LRRTM4: variants seen among roughly 807,000 people sequenced by gnomAD.
LRRTM4 encodes the protein leucine-rich repeat transmembrane neuronal protein 4.
A neutral mutation model predicts 47.6 loss-of-function variants in LRRTM4; 25 were observed. The observed-to-expected ratio is 0.53, with a 90% CI of 0.38 to 0.73. The LOEUF is 0.73. Among genes scored for constraint, LRRTM4 ranks in the 30% least tolerant of loss-of-function variants. LRRTM4 has a pLI of 0.00. For synonymous variants in LRRTM4, 311 were observed against 269.5 expected, an observed-to-expected ratio of 1.15 and a Z score of -1.51; for missense variants, 638 against 713.4, an observed-to-expected ratio of 0.89 and a Z score of 1.20.
chr2:77,143,103 A>T (rs746247593), intron 3 of LRRTM4, among the ~76,000 whole-genome samples: 4 of 152,196 alleles, frequency 2.6e-5, no homozygotes, highest in Non-Finnish European at 5.9e-5. Context: ...GGACTGGATT[A>T]AAAGTATTAC....
At chr2:77,479,715 C>A (rs1677580783) in intron 3 of LRRTM4, among the ~76,000 whole-genome samples, 1 of 152,018 alleles carries the variant, frequency 6.6e-6, no homozygotes, top group Middle Eastern at 3.4e-3. Flanking sequence ...CCATCTCTCT[C>A]TTTCTCTTCT....
intron 3 of LRRTM4, among the ~76,000 whole-genome samples, chr2:76,773,478 A>G (rs546548464): frequency 6.6e-6 from 1 of 152,334 alleles, no homozygotes. Flanking sequence ...TATGCAGTAT[A>G]TATGTGAAAA....
chr2:77,424,111 C>T (rs979884397), intron 3 of LRRTM4, among the ~76,000 whole-genome samples: 1 of 151,804 alleles, frequency 6.6e-6, no homozygotes, highest in Non-Finnish European at 1.5e-5. Flanking sequence ...GCAGATGTTA[C>T]TGTACTTAAG....
rs564813524 is a variant in LRRTM4, at chr2:77,261,170, G to T, written c.1551+257148C>A. ...AAAACAGAGTTCTCAAATAGCTTGG[G>T]AGTAGTAATAAAAAAAAAAGAAATT... On this transcript the variant is annotated intron_variant, in intron 3 of 3. Transcript: ENST00000409884. 3.4e-5 allele frequency among the ~76,000 whole-genome samples: 5 copies of T among 146,704 alleles called. No homozygotes were observed. The South Asian group carries it at 1.0e-3, about 30-fold the overall frequency.
chr2:77,000,166 G>GA (rs5832268), intron 3 of LRRTM4, among the ~76,000 whole-genome samples: 74,257 of 151,826 alleles, frequency 0.49, 18,693 homozygotes, highest in East Asian at 0.75. Flanking sequence ...TCCGTAGATG[G>GA]AAAGCATGAC....
At chr2:77,301,015 T>A (rs1028988358) in intron 3 of LRRTM4, among the ~76,000 whole-genome samples, 34 of 152,120 alleles carry the variant, frequency 2.2e-4, no homozygotes, top group Non-Finnish European at 4.3e-4. Context: ...TCCTTTTTTT[T>A]AAATTAACAG....
intron 3 of LRRTM4, among the ~76,000 whole-genome samples, chr2:77,305,020 T>G (rs192578692): frequency 5.8e-4 from 88 of 152,160 alleles, no homozygotes; most frequent in African/African-American, 2.0e-3. Context: ...GATTAATTCA[T>G]CATAGAAGAT....
intron 3 of LRRTM4, among the ~76,000 whole-genome samples, chr2:77,466,460 T>A (rs1244078900): frequency 6.6e-6 from 1 of 152,210 alleles, no homozygotes; most frequent in African/African-American, 2.4e-5. Context: ...AGGTAGCTGA[T>A]GCAGTTCACT....
chr2:76,853,720 A>G (rs1169802146), intron 3 of LRRTM4, among the ~76,000 whole-genome samples: 4 of 152,216 alleles, frequency 2.6e-5, no homozygotes, highest in East Asian at 3.8e-4. Context: ...GGCATACAAT[A>G]TATCACAAAA....
At chr2:76,828,651 A>C (rs550718049) in intron 3 of LRRTM4, among the ~76,000 whole-genome samples, 6 of 151,970 alleles carry the variant, frequency 3.9e-5, no homozygotes, top group African/African-American at 1.2e-4. Flanking sequence ...GTGTTTTTAG[A>C]AACAGTTAGA....
At chr2:77,458,022 G>A (rs34473899) in intron 3 of LRRTM4, among the ~76,000 whole-genome samples, 30,660 of 152,082 alleles carry the variant, frequency 0.2, 3,201 homozygotes, top group Middle Eastern at 0.25. Flanking sequence ...TTATCCAGGT[G>A]AGAGAAATGC....
In LRRTM4 at chr2:76,882,715, C is replaced by G. The variant is rs529010109; in HGVS notation, c.1552-133799G>C. On this transcript the variant is annotated intron_variant, in intron 3 of 3. Coordinates refer to ENST00000409884, the MANE Select transcript of LRRTM4 (RefSeq NM_001134745.3). ...CTCCTGAACAGGACAGTACCAGTTGCTAAAAATGGAGGGTTCTAAATGAAA... is the reference window on the plus strand; with the variant it reads ...CTCCTGAACAGGACAGTACCAGTTGGTAAAAATGGAGGGTTCTAAATGAAA... Among the ~76,000 whole-genome samples, 26 of 151,926 alleles carry G rather than the reference C, an allele frequency of 1.7e-4. 1 individual carries two copies. The highest frequency in any genetic ancestry group is 4.6e-4 in the Admixed American group (7 of 15,250).
intron 3 of LRRTM4, among the ~76,000 whole-genome samples, chr2:77,205,534 T>C (rs1674098806): frequency 6.6e-6 from 1 of 152,000 alleles, no homozygotes; most frequent in African/African-American, 2.4e-5. Context: ...CTGAAGCAGA[T>C]GTATGTGGCC....
intron 3 of LRRTM4, among the ~76,000 whole-genome samples, chr2:77,038,791 A>C (rs1573485018): frequency 6.6e-6 from 1 of 151,486 alleles, no homozygotes; most frequent in East Asian, 1.9e-4. Context: ...TCAGTTGGAG[A>C]GTTTCTTCTT....
chr2:77,307,008 T>C (rs1573226641), intron 3 of LRRTM4, among the ~76,000 whole-genome samples: 1 of 139,604 alleles, frequency 7.2e-6, no homozygotes, highest in East Asian at 2.0e-4. Context: ...CACACCATTC[T>C]CCTGCCTCAG....
chr2:77,251,549 A>G (rs1019208496), intron 3 of LRRTM4, among the ~76,000 whole-genome samples: 8 of 152,144 alleles, frequency 5.3e-5, no homozygotes, highest in African/African-American at 9.7e-5. Flanking sequence ...TATGTATCAT[A>G]TCCCTGCTCT....
intron 3 of LRRTM4, among the ~76,000 whole-genome samples, chr2:77,241,128 G>A (rs547967820): frequency 6.6e-6 from 1 of 151,792 alleles, no homozygotes; most frequent in South Asian, 2.1e-4. Flanking sequence ...AACAAAGTTG[G>A]AGGACTCAGA....
At chr2:76,977,529 A>C (rs564675042) in intron 3 of LRRTM4, among the ~76,000 whole-genome samples, 1 of 151,948 alleles carries the variant, frequency 6.6e-6, no homozygotes, top group Non-Finnish European at 1.5e-5. Context: ...GCAGTCATTC[A>C]CACTTGAACC....
intron 3 of LRRTM4, among the ~76,000 whole-genome samples, chr2:77,366,246 GACAAT>G: frequency 6.6e-6 from 1 of 151,882 alleles, no homozygotes; most frequent in African/African-American, 2.4e-5. Context: ...ATGGTCATTT[GACAAT>G]ACTCCACTTA....
Sources: allele counts gnomAD v4.1 joint callset (sites outside exome capture counted in the v4.1 genomes callset), GRCh38; gene constraint gnomAD v4.1.1; transcripts MANE v1.5; gene names NCBI Gene and HGNC (gene_info 2026-07-23, HGNC 2026-07-21).